The following CDH11 variants were observed in gnomAD, a reference collection of about 807,000 sequenced individuals.
CDH11 encodes cadherin 11.
CDH11 carries 11 observed loss-of-function variants against 67.8 expected under a neutral mutation model. That is an observed-to-expected ratio of 0.16 (90% CI 0.10 to 0.27). The LOEUF is 0.27. Ranked by LOEUF, CDH11 falls within the 10% of genes least tolerant of loss-of-function variation. CDH11 has a pLI of 1.00. For synonymous variants in CDH11, 419 were observed against 400.0 expected (o/e 1.05, Z -0.57); for missense variants, 847 against 1,031.2 (o/e 0.82, Z 2.45).
intron 2 of CDH11, among the ~76,000 whole-genome samples, chr16:65,044,952 T>C (rs1180234452): frequency 1.3e-5 from 2 of 152,042 alleles, no homozygotes; most frequent in Non-Finnish European, 2.9e-5. Context: ...CATGCTTTCA[T>C]GAGCCTGAGC....
Position 64,971,643 on chromosome 16 carries a change from T to C in CDH11, c.1578A>G (p.Arg526=), listed in dbSNP as rs1471937253. The change falls in exon 11 of 13, where the codon AGA becomes AGG. Residue 526 remains arginine (R), a synonymous_variant. Transcript: ENST00000268603. The stretch of plus-strand genomic sequence containing the variant: ...TTTCAGGGGGTAGGCTGAAGATAAA[T>C]CTTGGTCCATTGGCCGTGTCATCCT... ...DDKDDTANGP[R]FIFSLPPEII... is the part of the protein sequence containing the mutation. 1 of 1,613,760 alleles carries C rather than the reference T, an allele frequency of 6.2e-7. No homozygotes were observed. Among genetic ancestry groups the C allele is most frequent in the African/African-American group, 1.3e-5 (1 of 75,040 alleles).
Position 64,962,242 on chromosome 16 carries a change from TAGAAC to T in CDH11, c.1642+9332_1642+9336del, listed in dbSNP as rs562713962. Among the ~76,000 whole-genome samples, 15 of 152,118 alleles carry T rather than the reference TAGAAC, an allele frequency of 9.9e-5. No individual in the cohort carries two copies. The South Asian group carries it at 1.9e-3, about 19-fold the overall frequency. ...AAAATAGTGACTAAGAAAATAAAAT[TAGAAC>T]AGATTCAGTCCAGTCTGATACATAA... On this transcript the variant is annotated intron_variant, in intron 11 of 12. Transcript: ENST00000268603.
intron 2 of CDH11, among the ~76,000 whole-genome samples, chr16:65,010,901 G>C (rs997531569): frequency 1.4e-5 from 2 of 146,754 alleles, no homozygotes; most frequent in African/African-American, 5.1e-5. Context: ...CTCAGGGCTT[G>C]GTACATATTA....
intron 1 of CDH11, chr16:65,118,995 A>G (rs1207899297): frequency 6.6e-6 from 1 of 152,194 alleles, no homozygotes; most frequent in Non-Finnish European, 1.5e-5. Context: ...CCAACTTCAT[A>G]AGTTACCACT....
chr16:65,029,685 C>T (rs547282191), intron 2 of CDH11, among the ~76,000 whole-genome samples: 161 of 152,264 alleles, frequency 1.1e-3, no homozygotes, highest in Non-Finnish European at 1.4e-3. Context: ...GAACATTGAA[C>T]GTTGTTTATA....
At position 65,034,394 on chromosome 16, in the gene CDH11, G is replaced by A. The variant is rs532773459; in HGVS notation, c.-173+19410C>T. ...AATGGAAACCCCTGAAAACTAATACGGATAGAGTGGACTAAGATAGATGGA... is the reference window on the plus strand; with the variant it reads ...AATGGAAACCCCTGAAAACTAATACAGATAGAGTGGACTAAGATAGATGGA... On this transcript the variant is annotated intron_variant, in intron 2 of 12. Transcript: ENST00000268603. Among the ~76,000 whole-genome samples, 64 of 152,254 alleles carry A rather than the reference G, an allele frequency of 4.2e-4. 1 individual carries two copies. The highest frequency in any genetic ancestry group is 1.2e-3 in the South Asian group (6 of 4,820).
At chr16:65,099,693 T>C (rs2074958134) in intron 1 of CDH11, among the ~76,000 whole-genome samples, 1 of 152,136 alleles carries the variant, frequency 6.6e-6, no homozygotes. Context: ...CCCATGTAAA[T>C]GGAAATGTAG....
chr16:65,015,015 T>TTTATTATCA (rs1555519281), intron 2 of CDH11, among the ~76,000 whole-genome samples: 1 of 135,890 alleles, frequency 7.4e-6, no homozygotes, highest in African/African-American at 2.8e-5. Context: ...GCCTGGCTAA[T>TTTATTATCA]TTATTATTAT....
intron 6 of CDH11, among the ~76,000 whole-genome samples, chr16:64,989,724 A>G (rs990578671): frequency 2.6e-5 from 4 of 152,164 alleles, no homozygotes; most frequent in Non-Finnish European, 5.9e-5. Flanking sequence ...GAAGGTTTGC[A>G]CTAAGTAGCT....
intron 1 of CDH11, among the ~76,000 whole-genome samples, chr16:65,068,413 G>GAAAA (rs57968272): frequency 1.0e-5 from 1 of 100,184 alleles, no homozygotes; most frequent in Non-Finnish European, 2.0e-5. Flanking sequence ...TATGACTACA[G>GAAAA]AAAAAAAAAA....
Position 64,945,991 on chromosome 16 carries a change from T to G in CDH11, c.*1612A>C, listed in dbSNP as rs2071189563. 3.8e-6 allele frequency: 4 copies of G among 1,058,846 alleles called. No homozygotes were observed. The highest frequency in any genetic ancestry group is 1.6e-5 in the African/African-American group (1 of 60,658). 65.6% of individuals were successfully genotyped at this position (1,058,846 alleles called of 1,614,324 possible). On this transcript the variant is annotated 3_prime_UTR_variant, in exon 13 of 13. Transcript: ENST00000268603. ...TTGACCTTTGGCCCAACTGAACAGG[T>G]GAAATGCCCTTCACATAAGTTTCAA...
intron 2 of CDH11, among the ~76,000 whole-genome samples, chr16:65,026,078 G>A (rs1041323170): frequency 6.6e-5 from 10 of 152,198 alleles, no homozygotes; most frequent in Non-Finnish European, 1.2e-4. Context: ...CTGGTCAGAT[G>A]AGTCCCAGGA....
chr16:65,015,197 A>T (rs2073276077), intron 2 of CDH11, among the ~76,000 whole-genome samples: 1 of 151,942 alleles, frequency 6.6e-6, no homozygotes, highest in Non-Finnish European at 1.5e-5. Context: ...TTTCAGAAAC[A>T]GTGGAAAGAT....
chr16:65,024,011 C>T (rs2073482976), intron 2 of CDH11, among the ~76,000 whole-genome samples: 3 of 152,176 alleles, frequency 2.0e-5, no homozygotes, highest in African/African-American at 7.2e-5. Flanking sequence ...TACCCAATCC[C>T]ATTCAAGGTG....
At chr16:64,982,673 C>T (rs1017262898) in intron 7 of CDH11, 15 of 173,448 alleles carry the variant, frequency 8.6e-5, no homozygotes, top group Non-Finnish European at 1.6e-4. Flanking sequence ...ATCCTGGTAA[C>T]AAAAATACCA....
rs1490419073 is a variant in CDH11 at position 65,053,916 on chromosome 16, AAC to A, written c.-287_-286del. 5 of 456,062 alleles carry A rather than the reference AAC, an allele frequency of 1.1e-5. No homozygotes were observed. The highest frequency in any genetic ancestry group is 2.2e-5 in the Non-Finnish European group (5 of 226,786). The allele number at this position is 456,062 out of a possible 1,614,324, so 28.3% of individuals were successfully genotyped here. A position where few individuals can be genotyped will look rare whatever the true frequency, so the allele number is the denominator to read the frequency against. ...AATGTCACAGGGCCGCTGAGCTGAA[AAC>A]ACAGTGATTTCTGCAAAAAGTGAAA... is the stretch of plus-strand genomic sequence containing the variant. On this transcript the variant is annotated 5_prime_UTR_variant, in exon 2 of 13. The change abolishes the stop of an existing upstream ORF in the 5' untranslated region. Transcript: ENST00000268603.
At chr16:64,950,433 T>C (rs571300570) in intron 12 of CDH11, among the ~76,000 whole-genome samples, 18 of 152,260 alleles carry the variant, frequency 1.2e-4, no homozygotes, top group African/African-American at 4.1e-4. Flanking sequence ...ATTCCTCTTA[T>C]GCCAAACCTT....
intron 4 of CDH11, among the ~76,000 whole-genome samples, chr16:64,997,020 C>T (rs1045196716): frequency 6.6e-6 from 1 of 151,782 alleles, no homozygotes; most frequent in African/African-American, 2.4e-5. Context: ...GCACATGGGC[C>T]GGGCACGGTG....
chr16:65,033,093 C>T (rs8051995), intron 2 of CDH11, among the ~76,000 whole-genome samples: 135,640 of 152,232 alleles, frequency 0.89, 60,545 homozygotes, highest in East Asian at 1. Context: ...AAGGAAACGT[C>T]TGCCCATTAC....
Sources: gnomAD v4.1 joint callset for allele counts (sites outside exome capture counted in the v4.1 genomes callset) on GRCh38, gnomAD v4.1.1 for gene constraint, MANE v1.5 for transcripts, NCBI Gene and HGNC (gene_info 2026-07-23, HGNC 2026-07-21) for gene names.